ATP13A4: variants seen among roughly 807,000 people sequenced by gnomAD.
ATP13A4 encodes probable cation-transporting ATPase 13A4.
Under a neutral mutation model 142.5 loss-of-function variants are expected in ATP13A4, and 114 were observed. The ratio of observed to expected loss-of-function variants is 0.80; its 90% CI spans 0.69 to 0.93. The LOEUF is 0.93. Ranked by LOEUF, ATP13A4 falls within the 40% of genes least tolerant of loss-of-function variation. ATP13A4 has a pLI of 0.00. For missense variants in ATP13A4, 1,392 were observed against 1,454.0 expected, an observed-to-expected ratio of 0.96 and a Z score of 0.69; for synonymous variants, 488 against 514.8, an observed-to-expected ratio of 0.95 and a Z score of 0.70.
chr3:193,465,191 T>C (rs987935489), intron 11 of ATP13A4, 63 bp from the exon 12 acceptor site: 3 of 1,544,258 alleles, frequency 1.9e-6, no homozygotes, highest in African/African-American at 1.4e-5. Flanking sequence ...TATGACTCTT[T>C]GCCTTTTTTT....
At chr3:193,530,473 C>T (rs974271807) in intron 1 of ATP13A4, among the ~76,000 whole-genome samples, 1 of 152,212 alleles carries the variant, frequency 6.6e-6, no homozygotes, top group Non-Finnish European at 1.5e-5. Flanking sequence ...CTTTAATATT[C>T]TCCCCACGTT....
At chr3:193,444,687 G>C (rs1716840025) in intron 18 of ATP13A4, among the ~76,000 whole-genome samples, 1 of 152,318 alleles carries the variant, frequency 6.6e-6, no homozygotes, top group South Asian at 2.1e-4. Flanking sequence ...AGACATTCCT[G>C]GTTATAAGGC....
chr3:193,461,303 A>G (rs1717931528), intron 13 of ATP13A4, among the ~76,000 whole-genome samples: 1 of 152,228 alleles, frequency 6.6e-6, no homozygotes, highest in South Asian at 2.1e-4. Flanking sequence ...TGCACCTACT[A>G]TTTGTGCCTA....
chr3:193,548,091 T>C (rs1723326819), intron 1 of ATP13A4, among the ~76,000 whole-genome samples: 2 of 152,318 alleles, frequency 1.3e-5, no homozygotes, highest in East Asian at 3.9e-4. Context: ...CTCTGAAGAA[T>C]AAGCTTTTGT....
intron 2 of ATP13A4, among the ~76,000 whole-genome samples, chr3:193,504,951 GTTATC>G (rs1216857973): frequency 1.3e-5 from 2 of 152,080 alleles, no homozygotes; most frequent in African/African-American, 4.8e-5. Flanking sequence ...ATTTTGTTAT[GTTATC>G]TTATTTTAGG....
At chr3:193,526,016 T>C (rs931232298) in intron 1 of ATP13A4, among the ~76,000 whole-genome samples, 1 of 152,190 alleles carries the variant, frequency 6.6e-6, no homozygotes, top group African/African-American at 2.4e-5. Flanking sequence ...TTAAAACTAG[T>C]TTTGAAAGAA....
chr3:193,401,412 T>C lies in ATP13A4; in HGVS notation c.*1240A>G, dbSNP rs1256116171. Among the ~76,000 whole-genome samples, 2 of 152,154 alleles carry C rather than the reference T, an allele frequency of 1.3e-5. No individual in the cohort carries two copies. Among genetic ancestry groups the C allele is most frequent in the South Asian group, 2.1e-4 (1 of 4,828 alleles). Reference sequence around the variant, plus strand: ...AAACTTTAAAAAAAAAATGTACTAGTTGTGTAAGAACTCCCATCAATAGTG... The same window carrying C: ...AAACTTTAAAAAAAAAATGTACTAGCTGTGTAAGAACTCCCATCAATAGTG... On this transcript the variant is annotated 3_prime_UTR_variant, in exon 30 of 30. Coordinates refer to ENST00000342695, the MANE Select transcript of ATP13A4 (RefSeq NM_032279.4).
At chr3:193,439,378 A>G (rs1347032736) in intron 21 of ATP13A4, among the ~76,000 whole-genome samples, 2 of 152,230 alleles carry the variant, frequency 1.3e-5, no homozygotes, top group Non-Finnish European at 2.9e-5. Flanking sequence ...CAGAGAGGGC[A>G]CAGGATTTGA....
intron 7 of ATP13A4, among the ~76,000 whole-genome samples, chr3:193,485,945 A>G (rs1345948782): frequency 6.6e-6 from 1 of 151,564 alleles, no homozygotes; most frequent in Non-Finnish European, 1.5e-5. Context: ...AAGAAAATCC[A>G]ATTGTCTTCT....
intron 25 of ATP13A4, among the ~76,000 whole-genome samples, chr3:193,431,743 C>A (rs1261638553): frequency 2.0e-5 from 3 of 150,436 alleles, no homozygotes; most frequent in East Asian, 1.9e-4. Flanking sequence ...TATATATACA[C>A]ACATATATAT....
intron 3 of ATP13A4, among the ~76,000 whole-genome samples, chr3:193,494,107 A>G (rs568168842): frequency 6.6e-6 from 1 of 152,228 alleles, no homozygotes; most frequent in African/African-American, 2.4e-5. Flanking sequence ...TGCACCCAAC[A>G]TTGGAGCACC....
intron 29 of ATP13A4, among the ~76,000 whole-genome samples, chr3:193,406,672 G>A (rs553215305): frequency 1.3e-5 from 2 of 152,174 alleles, no homozygotes; most frequent in East Asian, 1.9e-4. Context: ...AATGAAAGCC[G>A]GAAAAGCTCA....
intron 26 of ATP13A4, 60 bp from the exon 27 acceptor site, chr3:193,412,431 G>GT (rs1714816984): frequency 6.8e-7 from 1 of 1,471,462 alleles, no homozygotes; most frequent in African/African-American, 1.4e-5. Flanking sequence ...TGGAGCATTT[G>GT]TATCCAGAAG....
At chr3:193,480,292 T>C (rs1353697570) in intron 8 of ATP13A4, among the ~76,000 whole-genome samples, 2 of 152,102 alleles carry the variant, frequency 1.3e-5, no homozygotes, top group South Asian at 4.1e-4. Flanking sequence ...TTAATTAAAC[T>C]GAAAAGCTTC....
chr3:193,480,238 C>CAAAT (rs533167813), intron 8 of ATP13A4, among the ~76,000 whole-genome samples: 9 of 151,866 alleles, frequency 5.9e-5, no homozygotes, highest in East Asian at 3.9e-4. Flanking sequence ...AAAGCAAATG[C>CAAAT]AAATAAATAA....
At chr3:193,407,275 C>T in intron 29 of ATP13A4, 38 bp downstream of exon 29, 5 of 1,552,710 alleles carry the variant, frequency 3.2e-6, no homozygotes, top group Non-Finnish European at 2.7e-6. Context: ...CATGCGTGCA[C>T]ACACACAAGA....
chr3:193,485,148 G>C (rs1360661464), intron 7 of ATP13A4, among the ~76,000 whole-genome samples: 1 of 151,526 alleles, frequency 6.6e-6, no homozygotes, highest in Non-Finnish European at 1.5e-5. Context: ...CTGGGTGAAT[G>C]AAGGCAGGAG....
intron 25 of ATP13A4, 38 bp from the exon 26 acceptor site, chr3:193,414,788 G>A: frequency 1.3e-6 from 2 of 1,595,634 alleles, no homozygotes; most frequent in Non-Finnish European, 1.7e-6. Flanking sequence ...TATGAGAGCA[G>A]GAAAATGTAT....
chr3:193,414,704 T>C lies in ATP13A4; in HGVS notation c.2889A>G (p.Ala963=), dbSNP rs755700489. 1 of 1,614,156 alleles carries C rather than the reference T, an allele frequency of 6.2e-7. No individual in the cohort carries two copies. Among genetic ancestry groups the C allele is most frequent in the South Asian group, 1.1e-5 (1 of 91,072 alleles). The change falls in exon 26 of 30, where the codon GCA becomes GCG. Residue 963 remains alanine, a synonymous_variant. Transcript: ENST00000342695. The part of the protein sequence containing the change: ...AYPKLVPFRP[A]GRLISPPLLL... ...GCAGAGGTGGAGAGATCAGCCGTCC[T>C]GCAGGTCTGAAAGGCACCAGCTTAG...
Sources: gnomAD v4.1 joint callset for allele counts (sites outside exome capture counted in the v4.1 genomes callset) on GRCh38, gnomAD v4.1.1 for gene constraint, MANE v1.5 for transcripts, NCBI Gene and HGNC (gene_info 2026-07-23, HGNC 2026-07-21) for gene names.